ILDR1: variants seen among roughly 807,000 people sequenced by gnomAD.
ILDR1 encodes the protein immunoglobulin like domain containing receptor 1, also known as immunoglobulin-like domain-containing receptor 1.
ILDR1 carries 56 observed loss-of-function variants against 62.4 expected under a neutral mutation model. The observed-to-expected ratio is 0.90, with a 90% CI of 0.72 to 1.12. The LOEUF is 1.12. Among genes scored for constraint, ILDR1 ranks in the 50% most tolerant of loss-of-function variants. ILDR1 has a pLI of 0.00. For missense variants in ILDR1, 736 were observed against 710.6 expected (o/e 1.04, Z -0.41); for synonymous variants, 284 against 277.8 (o/e 1.02, Z -0.22).
Position 121,993,896 on chromosome 3 carries a change from C to T in ILDR1, c.853G>A (p.Val285Ile). The T allele has an allele frequency of 8.7e-6, 14 of 1,613,944 alleles. No individual in the cohort carries two copies. The highest frequency in any genetic ancestry group is 1.2e-5 in the Non-Finnish European group (14 of 1,180,018). Reference protein sequence around the residue: ...TTNQPPIANGVLEYLEKELRN... With the variant: ...TTNQPPIANGILEYLEKELRN... Reference sequence around the variant, plus strand: ...AGTTCTTTCTCCAAATACTCCAGGACACCATTGGCGATGGGAGGCTGATTG... The same window carrying T: ...AGTTCTTTCTCCAAATACTCCAGGATACCATTGGCGATGGGAGGCTGATTG... The change falls in exon 7 of 8, where the codon GTC (valine) becomes ATC (isoleucine). Residue 285 changes from valine (V) to isoleucine (I), a missense_variant. Coordinates refer to ENST00000344209, the MANE Select transcript of ILDR1 (RefSeq NM_001199799.2).
the ILDR1 span, among the ~76,000 whole-genome samples, chr3:122,042,006 G>A: frequency 4.3e-4 from 57 of 133,096 alleles, no homozygotes; most frequent in East Asian, 0.011. Context: ...ATGCTGGTGC[G>A]CTGCACCCAC....
At chr3:122,059,213 G>C in the ILDR1 span, among the ~76,000 whole-genome samples, 1 of 152,168 alleles carries the variant, frequency 6.6e-6, no homozygotes, top group African/African-American at 2.4e-5. Context: ...AAGTATGGTT[G>C]ACAGTTGAAA....
chr3:122,061,157 A>G, the ILDR1 span, among the ~76,000 whole-genome samples: 1 of 152,240 alleles, frequency 6.6e-6, no homozygotes, highest in African/African-American at 2.4e-5. Context: ...AATACACGCC[A>G]GAAAATGGTA....
chr3:121,991,474 A>T (rs1471453324), intron 7 of ILDR1, among the ~76,000 whole-genome samples: 1 of 152,216 alleles, frequency 6.6e-6, no homozygotes, highest in Non-Finnish European at 1.5e-5. Flanking sequence ...TTCTTTCAGG[A>T]CGTAATTTTC....
the ILDR1 span, among the ~76,000 whole-genome samples, chr3:122,053,762 G>C: frequency 6.6e-6 from 1 of 152,160 alleles, no homozygotes; most frequent in East Asian, 1.9e-4. Context: ...AAATGCTTAT[G>C]CTATCTTAAA....
At chr3:122,024,147 G>A (rs972719335), upstream of ILDR1, among the ~76,000 whole-genome samples, 1 of 151,832 alleles carries the variant, frequency 6.6e-6, no homozygotes, top group Non-Finnish European at 1.5e-5. Context: ...TATGAAAAAA[G>A]GGCTCTATTA....
the ILDR1 span, among the ~76,000 whole-genome samples, chr3:122,058,080 A>C: frequency 5.9e-5 from 9 of 152,216 alleles, no homozygotes; most frequent in South Asian, 4.1e-4. Context: ...TTTTAATGAG[A>C]TAATCCATAT....
chr3:122,060,239 A>G, the ILDR1 span, among the ~76,000 whole-genome samples: 2 of 152,202 alleles, frequency 1.3e-5, no homozygotes, highest in Non-Finnish European at 1.5e-5. Flanking sequence ...CAGAAAGGCG[A>G]AGTAGGAGAA....
the ILDR1 span, among the ~76,000 whole-genome samples, chr3:122,040,006 A>T: frequency 6.6e-6 from 1 of 152,016 alleles, no homozygotes; most frequent in Admixed American, 6.5e-5. Context: ...TTAATAAGAG[A>T]TAGCCTTAAT....
the ILDR1 span, among the ~76,000 whole-genome samples, chr3:122,037,755 C>T: frequency 6.6e-6 from 1 of 152,048 alleles, no homozygotes; most frequent in African/African-American, 2.4e-5. Flanking sequence ...GGGCCAGGGG[C>T]AGAATGATAT....
At chr3:122,039,458 G>A in the ILDR1 span, among the ~76,000 whole-genome samples, 1 of 152,068 alleles carries the variant, frequency 6.6e-6, no homozygotes, top group Non-Finnish European at 1.5e-5. Flanking sequence ...CAGAAACCAT[G>A]TAAGTAAGAA....
chr3:122,030,788 C>G, the ILDR1 span, among the ~76,000 whole-genome samples: 1 of 152,134 alleles, frequency 6.6e-6, no homozygotes, highest in Non-Finnish European at 1.5e-5. Context: ...CCAGCTCACT[C>G]CAGAAAGTCT....
In ILDR1 at chr3:122,005,374, G is replaced by A. The variant is rs1211895480; in HGVS notation, c.249C>T (p.Ser83=). 6.2e-7 allele frequency: 1 copy of A among 1,614,170 alleles called. No individual in the cohort carries two copies. The highest frequency in any genetic ancestry group is 8.5e-7 in the Non-Finnish European group (1 of 1,180,028). The change falls in exon 3 of 8, where the codon TCC becomes TCT. Residue 83 remains serine (S), a synonymous_variant. Transcript: ENST00000344209. ...YYSASYQAAL[S]LGQDPSNDCN... ...AGTCATTGGATGGGTCCTGGCCCAG[G>A]GATAAAGCTGCCTGGTATGCTGAGG...
chr3:122,042,050 A>G, the ILDR1 span, among the ~76,000 whole-genome samples: 48 of 109,658 alleles, frequency 4.4e-4, no homozygotes, highest in Non-Finnish European at 7.9e-4. Flanking sequence ...ATATCTCCCA[A>G]TGCTATCCCT....
intron 3 of ILDR1, among the ~76,000 whole-genome samples, chr3:122,002,638 G>T (rs948097546): frequency 1.3e-5 from 2 of 151,714 alleles, no homozygotes; most frequent in East Asian, 3.9e-4. Flanking sequence ...TAATTTTAAG[G>T]TCAGGGGTAT....
In ILDR1 at chr3:122,022,154, A is replaced by C. The variant is rs2071867400; in HGVS notation, c.-77T>G. 1.6e-6 allele frequency: 2 copies of C among 1,276,680 alleles called. No homozygotes were observed. Among genetic ancestry groups the C allele is most frequent in the Non-Finnish European group, 1.1e-6 (1 of 905,828 alleles). 79.1% of individuals were successfully genotyped at this position (1,276,680 alleles called of 1,614,324 possible). ...TTTCTTCCTCAGCTGCCGCCCCAGG[A>C]CGCACCACCTTCTCCAAGGAACCCC... On this transcript the variant is annotated 5_prime_UTR_variant, in exon 1 of 8. Coordinates refer to ENST00000344209, the MANE Select transcript of ILDR1 (RefSeq NM_001199799.2).
chr3:122,025,765 A>G (rs1332042374), upstream of ILDR1, among the ~76,000 whole-genome samples: 1 of 152,194 alleles, frequency 6.6e-6, no homozygotes, highest in Non-Finnish European at 1.5e-5. Context: ...ATGAAGAATC[A>G]GGTAAGTAAA....
At chr3:122,031,027 G>T in the ILDR1 span, among the ~76,000 whole-genome samples, 1 of 151,954 alleles carries the variant, frequency 6.6e-6, no homozygotes, top group Admixed American at 6.6e-5. Context: ...CTTTTTCGTC[G>T]CCTAGAGTGA....
intron 3 of ILDR1, 141 bp from the exon 4 acceptor site, chr3:122,002,005 T>A: frequency 1.0e-6 from 1 of 983,270 alleles, no homozygotes; most frequent in Non-Finnish European, 1.5e-6. Context: ...CCAGCCATGG[T>A]GGCATGTGCC....
Sources: allele counts gnomAD v4.1 joint callset (sites outside exome capture counted in the v4.1 genomes callset), GRCh38; gene constraint gnomAD v4.1.1; transcripts MANE v1.5; gene names NCBI Gene and HGNC (gene_info 2026-07-23, HGNC 2026-07-21).